SPECC1: variants seen among roughly 807,000 people sequenced by gnomAD.
SPECC1 encodes the protein sperm antigen with calponin homology and coiled-coil domains 1, also known as cytospin-B.
Under a neutral mutation model 104.1 loss-of-function variants are expected in SPECC1, and 62 were observed. That is an observed-to-expected ratio of 0.60 (90% CI 0.49 to 0.74). The LOEUF (loss-of-function observed/expected upper bound fraction) is 0.74. Ranked by LOEUF, SPECC1 falls within the 30% of genes least tolerant of loss-of-function variation. SPECC1 has a pLI of 0.00. For missense variants in SPECC1, 1,306 were observed against 1,310.5 expected (o/e 1.00, Z 0.05); for synonymous variants, 513 against 501.6 (o/e 1.02, Z -0.30).
intron 7 of SPECC1, chr17:20,237,788 G>A (rs183513530): frequency 3.3e-4 from 63 of 191,082 alleles, no homozygotes; most frequent in Non-Finnish European, 6.6e-5. Context: ...TGTTGCCCAG[G>A]CTAGAGTGCA....
intron 2 of SPECC1, among the ~76,000 whole-genome samples, chr17:20,097,761 G>A (rs1292806407): frequency 6.6e-6 from 1 of 152,160 alleles, no homozygotes; most frequent in Non-Finnish European, 1.5e-5. Context: ...TCAAATGGAG[G>A]GAGGCTCTAG....
chr17:20,139,994 G>A (rs1258636435), intron 3 of SPECC1, among the ~76,000 whole-genome samples: 1 of 151,980 alleles, frequency 6.6e-6, no homozygotes, highest in African/African-American at 2.4e-5. Context: ...TATTTCTTTT[G>A]CATTCCCCTG....
At chr17:20,104,408 A>G (rs542351058) in intron 2 of SPECC1, among the ~76,000 whole-genome samples, 62 of 152,286 alleles carry the variant, frequency 4.1e-4, no homozygotes, top group African/African-American at 1.4e-3. Context: ...TCTCATAGCA[A>G]TGAGGACATA....
chr17:20,306,083 G>T lies in SPECC1; in HGVS notation c.3117+1G>T. 3.7e-6 allele frequency: 6 copies of T among 1,613,274 alleles called. No homozygotes were observed. The highest frequency in any genetic ancestry group is 5.1e-6 in the Non-Finnish European group (6 of 1,179,568). On this transcript the variant is annotated splice_donor_variant, in intron 14 of 14. Coordinates refer to ENST00000395527, the MANE Select transcript of SPECC1 (RefSeq NM_001243439.2). LOFTEE classifies it high-confidence loss of function. ...AAGTGTAGGCATCAAACCCAGCCTG[G>T]TACGTATCCTATTTTGTATCCTTGT...
In SPECC1 at chr17:20,232,406, G is replaced by A. The variant is rs1344340497; in HGVS notation, c.2351+1G>A. On this transcript the variant is annotated splice_donor_variant, in intron 7 of 14. Transcript: ENST00000395527. LOFTEE classifies it high-confidence loss of function. ...TGGTCACCAGCAGAGCCGCCCCTCC[G>A]TGAGTCTGGTGGGCACCAGGGCCGT... The A allele has an allele frequency of 1.2e-6, 2 of 1,603,100 alleles. No individual in the cohort carries two copies. Among genetic ancestry groups the A allele is most frequent in the African/African-American group, 1.3e-5 (1 of 74,772 alleles).
chr17:20,081,214 G>T (rs2046960361), intron 1 of SPECC1, among the ~76,000 whole-genome samples: 1 of 152,096 alleles, frequency 6.6e-6, no homozygotes, highest in East Asian at 1.9e-4. Context: ...CCCTACACTG[G>T]ATGGTGAGCC....
chr17:20,271,548 T>C (rs2040407398), intron 12 of SPECC1, among the ~76,000 whole-genome samples: 1 of 152,068 alleles, frequency 6.6e-6, no homozygotes, highest in Non-Finnish European at 1.5e-5. Flanking sequence ...TGTATGTAAA[T>C]GATACTCATT....
At chr17:20,041,026 CCTTT>C (rs371960994) in intron 1 of SPECC1, among the ~76,000 whole-genome samples, 227 of 152,080 alleles carry the variant, frequency 1.5e-3, no homozygotes, top group African/African-American at 4.6e-3. Flanking sequence ...TTCCTTCCTT[CCTTT>C]CTCTTTTTCC....
intron 1 of SPECC1, among the ~76,000 whole-genome samples, chr17:20,059,059 C>G (rs573909398): frequency 1.3e-5 from 2 of 151,902 alleles, no homozygotes; most frequent in East Asian, 3.9e-4. Flanking sequence ...CCAGGATGGT[C>G]TCGATCTCCT....
At position 20,318,522 on chromosome 17, in the gene SPECC1, A is replaced by G. The variant is rs1429205336; in HGVS notation, c.*4457A>G. ...CATGTTCTCTTCCCTGCTGCCCACAAACGTTACGGAGACTCCCTTAGCCTC... is the reference window on the plus strand; with the variant it reads ...CATGTTCTCTTCCCTGCTGCCCACAGACGTTACGGAGACTCCCTTAGCCTC... On this transcript the variant is annotated 3_prime_UTR_variant, in exon 15 of 15. Transcript: ENST00000395527. 1.3e-5 allele frequency: 3 copies of G among 230,720 alleles called. No individual in the cohort carries two copies. The highest frequency in any genetic ancestry group is 1.7e-5 in the Non-Finnish European group (2 of 116,672). The allele number at this position is 230,720 out of a possible 1,614,324, so 14.3% of individuals were successfully genotyped here. A position where few individuals can be genotyped will look rare whatever the true frequency, so the allele number is the denominator to read the frequency against.
intron 5 of SPECC1, among the ~76,000 whole-genome samples, chr17:20,230,539 T>C (rs2038508411): frequency 6.6e-6 from 1 of 152,212 alleles, no homozygotes; most frequent in Non-Finnish European, 1.5e-5. Context: ...GATATTTTGC[T>C]GTTGAAAATA....
chr17:20,146,141 C>A (rs2031437534), intron 3 of SPECC1, among the ~76,000 whole-genome samples: 1 of 152,104 alleles, frequency 6.6e-6, no homozygotes. Flanking sequence ...TGGGTTTTGA[C>A]ACGTATCCAC....
In SPECC1 at chr17:20,036,565, G is replaced by A. The variant is rs561724218; in HGVS notation, c.-22+27141G>A. ...TAGTTATCATTTTTGTGGTGAGAAC[G>A]CTTAACACCCACTCTTTTAGTATTT... On this transcript the variant is annotated intron_variant, in intron 1 of 14. Transcript: ENST00000395527. Among the ~76,000 whole-genome samples the A allele has an allele frequency of 1.1e-4, 17 of 152,222 alleles. No individual in the cohort carries two copies. The East Asian group carries it at 1.9e-3, about 17-fold the overall frequency.
intron 1 of SPECC1, among the ~76,000 whole-genome samples, chr17:20,019,320 C>T (rs1396752448): frequency 1.3e-5 from 2 of 151,768 alleles, no homozygotes; most frequent in African/African-American, 4.8e-5. Context: ...AGATTTTCCT[C>T]CTGTGTTCCT....
At chr17:20,126,732 C>G (rs1484799520) in intron 3 of SPECC1, among the ~76,000 whole-genome samples, 1 of 152,214 alleles carries the variant, frequency 6.6e-6, no homozygotes, top group Non-Finnish European at 1.5e-5. Flanking sequence ...CTAGTGACAT[C>G]TTGACTTGCT....
intron 4 of SPECC1, among the ~76,000 whole-genome samples, chr17:20,214,737 A>T (rs920173840): frequency 1.3e-5 from 2 of 152,112 alleles, no homozygotes; most frequent in Admixed American, 1.3e-4. Context: ...CAAACCCCTG[A>T]CCTTAAGTGA....
chr17:20,114,253 G>A (rs558291860), intron 3 of SPECC1, among the ~76,000 whole-genome samples: 21 of 152,008 alleles, frequency 1.4e-4, no homozygotes, highest in Non-Finnish European at 2.5e-4. Flanking sequence ...GTGCAGTGGC[G>A]CAATCTTGGC....
chr17:20,197,569 A>G (rs2036120538), intron 3 of SPECC1, among the ~76,000 whole-genome samples: 1 of 152,198 alleles, frequency 6.6e-6, no homozygotes, highest in South Asian at 2.1e-4. Flanking sequence ...AAGGCTTTTA[A>G]CTAATATGAT....
At chr17:20,207,358 G>A (rs918500831) in intron 4 of SPECC1, among the ~76,000 whole-genome samples, 4 of 152,168 alleles carry the variant, frequency 2.6e-5, no homozygotes, top group Non-Finnish European at 2.9e-5. Flanking sequence ...TTGAAAGTAC[G>A]GAAGTAATTC....
Sources: allele counts gnomAD v4.1 joint callset (sites outside exome capture counted in the v4.1 genomes callset), GRCh38; gene constraint gnomAD v4.1.1; transcripts MANE v1.5; gene names NCBI Gene and HGNC (gene_info 2026-07-23, HGNC 2026-07-21).